Variants in KIF13A observed in about 807,000 individuals in gnomAD.
KIF13A encodes kinesin family member 13A.
KIF13A carries 79 observed loss-of-function variants against 212.2 expected under a neutral mutation model. That is an observed-to-expected ratio of 0.37 (90% CI 0.31 to 0.45). The LOEUF is 0.45. Among genes scored for constraint, KIF13A ranks in the 20% least tolerant of loss-of-function variants. The probability of loss-of-function intolerance (pLI) is 1.00; values close to 1 mark genes in which losing one functional copy is unlikely to be tolerated. For missense variants in KIF13A, 1,901 were observed against 2,209.0 expected, an observed-to-expected ratio of 0.86 and a Z score of 2.79; for synonymous variants, 789 against 808.6, an observed-to-expected ratio of 0.98 and a Z score of 0.41.
intron 2 of KIF13A, among the ~76,000 whole-genome samples, chr6:17,966,023 A>G (rs1779273993): frequency 1.3e-5 from 2 of 152,176 alleles, no homozygotes. Flanking sequence ...GCAAAACCCC[A>G]TCTCTACTAA....
chr6:17,799,880 A>G lies in KIF13A; in HGVS notation c.2616+72T>C, dbSNP rs1480136082. On this transcript the variant is annotated intron_variant, in intron 21 of 38. Transcript: ENST00000259711. This position sits in a 1 kb window ranked among gnomAD's most constrained non-coding sequence, Gnocchi z 4.4. Reference sequence around the variant, plus strand: ...TTACTACCCTGGATGAAAAACTCTCATAAGATTTTTTGTAAAATGGTTTTG... The same window carrying G: ...TTACTACCCTGGATGAAAAACTCTCGTAAGATTTTTTGTAAAATGGTTTTG... 9.7e-6 allele frequency: 15 copies of G among 1,538,982 alleles called. No homozygotes were observed. Among genetic ancestry groups the G allele is most frequent in the African/African-American group, 2.7e-5 (2 of 72,896 alleles).
intron 2 of KIF13A, among the ~76,000 whole-genome samples, chr6:17,964,314 AAAGCCC>A (rs1779113213): frequency 1.3e-5 from 2 of 152,204 alleles, no homozygotes; most frequent in Non-Finnish European, 2.9e-5. Context: ...GATAATCAGA[AAAGCCC>A]AAGTTTCTAC....
chr6:17,865,847 G>A (rs984386871), intron 4 of KIF13A, among the ~76,000 whole-genome samples: 2 of 152,192 alleles, frequency 1.3e-5, no homozygotes, highest in African/African-American at 4.8e-5. Context: ...AGCTATCAGT[G>A]TTAGTCTGGA....
At position 17,776,279 on chromosome 6, in the gene KIF13A, T is replaced by C. The variant is rs1759973430; in HGVS notation, c.4170+998A>G. Among the ~76,000 whole-genome samples, 1 of 152,216 alleles carries C rather than the reference T, an allele frequency of 6.6e-6. No homozygotes were observed. Among genetic ancestry groups the C allele is most frequent in the Non-Finnish European group, 1.5e-5 (1 of 68,046 alleles). On this transcript the variant is annotated intron_variant, in intron 34 of 38. Transcript: ENST00000259711. The surrounding 1 kb of genome is among the most constrained non-coding windows in gnomAD (Gnocchi z 4.6). The stretch of plus-strand genomic sequence containing the variant: ...AATAGTAGCCCTCACTCTCTCATTT[T>C]TTCTACTGTCTAGTATTCTGCTTTA...
At position 17,789,091 on chromosome 6, in the gene KIF13A, T is replaced by G. The variant is rs1487022052; in HGVS notation, c.3261+781A>C. Among the ~76,000 whole-genome samples, 1 of 152,192 alleles carries G rather than the reference T, an allele frequency of 6.6e-6. No individual in the cohort carries two copies. The highest frequency in any genetic ancestry group is 1.5e-5 in the Non-Finnish European group (1 of 68,026). The stretch of plus-strand genomic sequence containing the variant: ...ATCCTTTGAAGATGTGTATGGAGAA[T>G]CCGTACAAAGACTGGGAACCGAACC... On this transcript the variant is annotated intron_variant, in intron 26 of 38. Coordinates refer to ENST00000259711, the MANE Select transcript of KIF13A (RefSeq NM_022113.6). This position sits in a 1 kb window ranked among gnomAD's most constrained non-coding sequence, Gnocchi z 4.8.
chr6:17,867,998 G>A (rs912295155), intron 4 of KIF13A, among the ~76,000 whole-genome samples: 2 of 152,202 alleles, frequency 1.3e-5, no homozygotes, highest in African/African-American at 4.8e-5. Context: ...TCCCCTCACA[G>A]TATAAAGCAA....
intron 2 of KIF13A, among the ~76,000 whole-genome samples, chr6:17,959,714 T>C (rs536261758): frequency 2.0e-5 from 3 of 152,332 alleles, no homozygotes; most frequent in Non-Finnish European, 2.9e-5. Context: ...ATGGTAGCTT[T>C]CCTTATTCAA....
Position 17,783,764 on chromosome 6 carries a change from A to G in KIF13A, c.3489-63T>C, listed in dbSNP as rs1307570267. The G allele has an allele frequency of 3.8e-6, 4 of 1,061,474 alleles. No homozygotes were observed. The highest frequency in any genetic ancestry group is 5.7e-6 in the Non-Finnish European group (4 of 701,744). The allele number at this position is 1,061,474 out of a possible 1,614,324, so 65.8% of individuals were successfully genotyped here. On this transcript the variant is annotated intron_variant, in intron 28 of 38. Coordinates refer to ENST00000259711, the MANE Select transcript of KIF13A (RefSeq NM_022113.6). This position sits in a 1 kb window ranked among gnomAD's most constrained non-coding sequence, Gnocchi z 4.3. ...GTATTTTACATCTTGTTAGCTGATA[A>G]AACACCACAGAGCTGTGGAAGCAAA...
intron 12 of KIF13A, among the ~76,000 whole-genome samples, chr6:17,831,742 C>A (rs745885856): frequency 6.7e-6 from 1 of 148,658 alleles, no homozygotes; most frequent in Non-Finnish European, 1.5e-5. Flanking sequence ...GGGCCAAGAA[C>A]CCCTGGCAAA....
intron 2 of KIF13A, among the ~76,000 whole-genome samples, chr6:17,962,515 A>G (rs1202562358): frequency 6.6e-6 from 1 of 152,126 alleles, no homozygotes; most frequent in Non-Finnish European, 1.5e-5. Context: ...AGATGAGCAC[A>G]GCCAGGAAGA....
At chr6:17,931,462 T>C (rs1775979718) in intron 2 of KIF13A, among the ~76,000 whole-genome samples, 2 of 110,954 alleles carry the variant, frequency 1.8e-5, no homozygotes, top group South Asian at 6.5e-4. Flanking sequence ...TAAGAAGTGA[T>C]AAAGGTACCC....
At chr6:17,932,384 A>C (rs970033587) in intron 2 of KIF13A, among the ~76,000 whole-genome samples, 1 of 152,234 alleles carries the variant, frequency 6.6e-6, no homozygotes, top group African/African-American at 2.4e-5. Flanking sequence ...AGCCAGACTA[A>C]AGCATTGCTG....
At chr6:17,835,598 G>C (rs541119517) in intron 11 of KIF13A, among the ~76,000 whole-genome samples, 1 of 152,266 alleles carries the variant, frequency 6.6e-6, no homozygotes, top group Non-Finnish European at 1.5e-5. Context: ...TAGTATCAAT[G>C]TTAGGCTAGG....
chr6:17,849,408 C>G lies in KIF13A; in HGVS notation c.799G>C (p.Glu267Gln). The change falls in exon 9 of 39, where the codon GAG becomes CAG. Residue 267 changes from glutamate (E) to glutamine (Q), a missense_variant. Transcript: ENST00000259711. This position sits in a 1 kb window ranked among gnomAD's most constrained non-coding sequence, Gnocchi z 5.7. ...ERVSKTGAAG[E>Q]RLKEGSNINK... is the part of the protein sequence containing the mutation. ...ATGTTGCTGCCTTCTTTCAGTCGCT[C>G]TCCTGCAGCTCCTGTTTTAGATACT... 6.2e-7 allele frequency: 1 copy of G among 1,613,560 alleles called. No individual in the cohort carries two copies. Among genetic ancestry groups the G allele is most frequent in the Non-Finnish European group, 8.5e-7 (1 of 1,179,680 alleles).
At chr6:17,791,640 C>T (rs912784697) in intron 25 of KIF13A, among the ~76,000 whole-genome samples, 8 of 152,042 alleles carry the variant, frequency 5.3e-5, no homozygotes, top group Non-Finnish European at 5.9e-5. Context: ...GTGGCTCACA[C>T]GTGTAATCCC....
intron 22 of KIF13A, 28 bp from the exon 23 acceptor site, chr6:17,796,848 A>C: frequency 6.9e-7 from 1 of 1,439,228 alleles, no homozygotes; most frequent in Non-Finnish European, 9.3e-7. Context: ...AAGCAAAAGA[A>C]TTATGCTTAA....
intron 2 of KIF13A, among the ~76,000 whole-genome samples, chr6:17,973,271 G>A (rs1037185210): frequency 2.6e-5 from 4 of 152,152 alleles, no homozygotes; most frequent in African/African-American, 7.2e-5. Flanking sequence ...TATATAAGAT[G>A]ACTACTAATT....
rs1761345874 is a variant in KIF13A, at chr6:17,789,456, A to C, written c.3261+416T>G. Among the ~76,000 whole-genome samples the C allele has an allele frequency of 6.6e-6, 1 of 152,216 alleles. No homozygotes were observed. The highest frequency in any genetic ancestry group is 6.5e-5 in the Admixed American group (1 of 15,278). ...AGCAGAATGCACTTTAGCATGGGAA[A>C]GATAAGAGTCTATCTAAAAGATTAT... On this transcript the variant is annotated intron_variant, in intron 26 of 38. Transcript: ENST00000259711. The surrounding 1 kb of genome is among the most constrained non-coding windows in gnomAD (Gnocchi z 4.8).
At position 17,919,847 on chromosome 6, in the gene KIF13A, G is replaced by A. The variant is rs1023263332; in HGVS notation, c.147-21667C>T. ...ATCCAGCAGCCTCTGGCTCTGCTAC[G>A]ACAGTGAAGAAATACAGCAAAACAG... On this transcript the variant is annotated intron_variant, in intron 2 of 38. Coordinates refer to ENST00000259711, the MANE Select transcript of KIF13A (RefSeq NM_022113.6). The surrounding 1 kb of genome is among the most constrained non-coding windows in gnomAD (Gnocchi z 4.1). Among the ~76,000 whole-genome samples the A allele has an allele frequency of 6.6e-5, 10 of 152,182 alleles. No individual in the cohort carries two copies. The highest frequency in any genetic ancestry group is 1.9e-4 in the African/African-American group (8 of 41,444).
Sources: gnomAD v4.1 joint callset for allele counts (sites outside exome capture counted in the v4.1 genomes callset) on GRCh38, gnomAD v4.1.1 for gene constraint, Gnocchi (gnomAD v3.1) non-coding constraint, MANE v1.5 for transcripts, NCBI Gene and HGNC (gene_info 2026-07-23, HGNC 2026-07-21) for gene names.